PMP22: variants seen among roughly 807,000 people sequenced by gnomAD.
PMP22 encodes the protein Charcot-Marie-Tooth neuropathy 1A (greatly reduced nerve conduction velocity, hereditary motor sensory neuropathy Ia).
Under a neutral mutation model 18.9 loss-of-function variants are expected in PMP22, and 2 were observed. The observed-to-expected ratio is 0.11, with a 90% CI of 0.04 to 0.33. The LOEUF is 0.33. Ranked by LOEUF, PMP22 falls within the 10% of genes least tolerant of loss-of-function variation. The pLI, the probability that PMP22 is intolerant of heterozygous loss-of-function variation, is 1.00. For missense variants in PMP22, 169 were observed against 202.2 expected, an observed-to-expected ratio of 0.84 and a Z score of 1.00; for synonymous variants, 95 against 89.2, an observed-to-expected ratio of 1.07 and a Z score of -0.37.
chr17:15,237,800 G>A (rs749056373), intron 4 of PMP22, among the ~76,000 whole-genome samples: 18 of 152,050 alleles, frequency 1.2e-4, no homozygotes, highest in Non-Finnish European at 1.5e-4. Context: ...GATGGGTAAC[G>A]TGCCAAATCA....
intron 3 of PMP22, among the ~76,000 whole-genome samples, chr17:15,254,138 T>G (rs942415248): frequency 9.2e-5 from 14 of 152,184 alleles, no homozygotes; most frequent in Non-Finnish European, 2.1e-4. Context: ...ATCATTCAGG[T>G]AGATTCCGAT....
In PMP22 at chr17:15,241,165, C is replaced by T. The variant is rs1907283511; in HGVS notation, c.179-1554G>A. On this transcript the variant is annotated intron_variant, in intron 3 of 4. Transcript: ENST00000312280. ...TCTTCACATTCAAGCACAACATATGCTTCTTTCATTTTTTCAATTTCTTTG... is the reference window on the plus strand; with the variant it reads ...TCTTCACATTCAAGCACAACATATGTTTCTTTCATTTTTTCAATTTCTTTG... 4.0e-5 allele frequency among the ~76,000 whole-genome samples: 6 copies of T among 151,494 alleles called. No homozygotes were observed. In the South Asian group the frequency reaches 1.2e-3, roughly 31 times the overall value.
intron 3 of PMP22, among the ~76,000 whole-genome samples, chr17:15,254,240 C>G (rs116158190): frequency 6.6e-6 from 1 of 152,206 alleles, no homozygotes; most frequent in African/African-American, 2.4e-5. Flanking sequence ...TAGGTTTGTG[C>G]TTTTTTAAAT....
chr17:15,263,637 C>T (rs1389169863), intron 1 of PMP22, among the ~76,000 whole-genome samples: 2 of 152,020 alleles, frequency 1.3e-5, no homozygotes, highest in East Asian at 1.9e-4. Flanking sequence ...GTCATAGAAG[C>T]TCATCACTCT....
chr17:15,246,065 A>T (rs1379445166), intron 3 of PMP22, among the ~76,000 whole-genome samples: 2 of 152,166 alleles, frequency 1.3e-5, no homozygotes, highest in Non-Finnish European at 2.9e-5. Flanking sequence ...CAATGTTCAC[A>T]CAAGCCAGGT....
chr17:15,246,014 C>T (rs1279279323), intron 3 of PMP22, among the ~76,000 whole-genome samples: 4 of 127,252 alleles, frequency 3.1e-5, no homozygotes, highest in Non-Finnish European at 6.5e-5. Flanking sequence ...GAGCAAGACT[C>T]GTCTCAAAAA....
rs772703544 is a variant in PMP22 at position 15,258,763 on chromosome 17, G to A, written c.178+331C>T. On this transcript the variant is annotated intron_variant, in intron 3 of 4. Coordinates refer to ENST00000312280, the MANE Select transcript of PMP22 (RefSeq NM_000304.4). The surrounding 1 kb of genome is among the most constrained non-coding windows in gnomAD (Gnocchi z 4.1). The stretch of plus-strand genomic sequence containing the variant: ...ACGTTTGATCCAATGTCCCAAGGGG[G>A]TCTGCCAAAGGCTTAGCTATCATAC... 4.4e-5 allele frequency: 17 copies of A among 383,092 alleles called. 1 individual carries two copies. The highest frequency in any genetic ancestry group is 8.5e-5 in the Non-Finnish European group (17 of 199,316). The allele number at this position is 383,092 out of a possible 1,614,324, so 23.7% of individuals were successfully genotyped here.
rs560763537 is a variant in PMP22 at position 15,239,669 on chromosome 17, C to T, written c.179-58G>A. On this transcript the variant is annotated intron_variant, in intron 3 of 4. Transcript: ENST00000312280. The stretch of plus-strand genomic sequence containing the variant: ...GGCCATGGCCGGGGGAGGGCTCTGC[C>T]TCGAGGTGCAGGGCCTGAAGGGCCA... 280 of 1,590,330 alleles carry T rather than the reference C, an allele frequency of 1.8e-4. 7 individuals are homozygous for T. In the South Asian group the frequency reaches 2.9e-3, roughly 17 times the overall value.
chr17:15,255,087 G>C lies in PMP22; in HGVS notation c.178+4007C>G, dbSNP rs369034930. Among the ~76,000 whole-genome samples, 7 of 152,314 alleles carry C rather than the reference G, an allele frequency of 4.6e-5. No individual in the cohort carries two copies. In the East Asian group the frequency reaches 1.2e-3, roughly 25 times the overall value. ...TGGTGGGGTGGCTGACAGAGCCCAG[G>C]ATGCAGCAGAGATGGACTCTTTGAA... On this transcript the variant is annotated intron_variant, in intron 3 of 4. Coordinates refer to ENST00000312280, the MANE Select transcript of PMP22 (RefSeq NM_000304.4).
chr17:15,230,880 T>G lies in PMP22; in HGVS notation c.*37A>C. On this transcript the variant is annotated 3_prime_UTR_variant, in exon 5 of 5. Transcript: ENST00000312280. Reference sequence around the variant, plus strand: ...CTGTTTTCCCTTCCTCCCTTCCCTATGTACGCTCAGAGCCTCAGACAGACC... The same window carrying G: ...CTGTTTTCCCTTCCTCCCTTCCCTAGGTACGCTCAGAGCCTCAGACAGACC... The G allele has an allele frequency of 6.2e-7, 1 of 1,610,172 alleles. No individual in the cohort carries two copies. The highest frequency in any genetic ancestry group is 8.5e-7 in the Non-Finnish European group (1 of 1,177,248).
rs1444029411 is a variant in PMP22 at position 15,242,202 on chromosome 17, A to T, written c.179-2591T>A. Among the ~76,000 whole-genome samples, 16 of 148,574 alleles carry T rather than the reference A, an allele frequency of 1.1e-4. No homozygotes were observed. The Admixed American group carries it at 1.1e-3, about 10-fold the overall frequency. On this transcript the variant is annotated intron_variant, in intron 3 of 4. Transcript: ENST00000312280. ...CAGGAGGTGGAGGTTGTAGTGAGCC[A>T]AGATCACACCACTGCACTCCAGCCT...
intron 2 of PMP22, 200 bp downstream of exon 2, chr17:15,260,450 C>T: frequency 1.6e-6 from 1 of 639,312 alleles, no homozygotes; most frequent in Admixed American, 2.2e-5. Flanking sequence ...CAGCCCAGCG[C>T]TCGCTTGGTT....
intron 4 of PMP22, among the ~76,000 whole-genome samples, chr17:15,231,911 G>A (rs988345584): frequency 1.3e-5 from 2 of 152,164 alleles, no homozygotes; most frequent in East Asian, 3.9e-4. Flanking sequence ...GCCCTGTGGA[G>A]CAGCCACGCT....
intron 1 of PMP22, among the ~76,000 whole-genome samples, chr17:15,263,786 C>A (rs749300954): frequency 6.6e-6 from 1 of 152,120 alleles, no homozygotes; most frequent in Non-Finnish European, 1.5e-5. Flanking sequence ...ATCGTGTTAT[C>A]AGATTAAAAT....
chr17:15,244,330 A>ATAT (rs1267592955), intron 3 of PMP22, among the ~76,000 whole-genome samples: 3 of 152,082 alleles, frequency 2.0e-5, no homozygotes, highest in Non-Finnish European at 4.4e-5. Flanking sequence ...AATAATAATA[A>ATAT]TATTATTATT....
At chr17:15,260,832 G>A in intron 1 of PMP22, 71 bp from the exon 2 acceptor site, 2 of 1,078,458 alleles carry the variant, frequency 1.9e-6, no homozygotes, top group Non-Finnish European at 2.8e-6. Context: ...CAGAGGGAGG[G>A]TCCCGCGCAC....
rs376797385 is a variant in PMP22 at position 15,259,095 on chromosome 17, G to A, written c.177C>T (p.Asn59=). The A allele has an allele frequency of 5.3e-5, 85 of 1,606,886 alleles. No individual in the cohort carries two copies. Among genetic ancestry groups the A allele is most frequent in the South Asian group, 7.7e-5 (7 of 90,910 alleles). Residue 59 remains asparagine (N), a splice_region_variant and synonymous_variant, in exon 3 of 5, where the codon AAC becomes AAT. Coordinates refer to ENST00000312280, the MANE Select transcript of PMP22 (RefSeq NM_000304.4). ...NVHHCFSSSP[N]EWLQSVQATM... is the part of the protein sequence containing the mutation. ...CATGGAGCACAAAACCAGCCTCACC[G>A]TTTGGTGATGATGAGAAACAGTGGT...
At chr17:15,252,051 T>C (rs966236799) in intron 3 of PMP22, among the ~76,000 whole-genome samples, 5 of 151,996 alleles carry the variant, frequency 3.3e-5, no homozygotes, top group African/African-American at 1.2e-4. Flanking sequence ...GCCTGTAAAA[T>C]CCAGAGCCAT....
intron 3 of PMP22, among the ~76,000 whole-genome samples, chr17:15,254,114 A>G (rs1252394762): frequency 6.6e-6 from 1 of 152,236 alleles, no homozygotes; most frequent in Non-Finnish European, 1.5e-5. Flanking sequence ...GAGACTTAAC[A>G]GAAGCAGGAG....
Sources: allele counts gnomAD v4.1 joint callset (sites outside exome capture counted in the v4.1 genomes callset), GRCh38; gene constraint gnomAD v4.1.1; non-coding constraint Gnocchi (gnomAD v3.1); transcripts MANE v1.5; gene names NCBI Gene and HGNC (gene_info 2026-07-23, HGNC 2026-07-21).